ZNF716: variants seen among roughly 807,000 people sequenced by gnomAD.
The protein encoded by ZNF716 is zinc finger protein 716.
Under a neutral mutation model 13.4 loss-of-function variants are expected in ZNF716, and 9 were observed. The observed-to-expected ratio is 0.67, with a 90% CI of 0.41 to 1.18. The LOEUF is 1.18. ZNF716 is among the 50% of genes most tolerant of loss of function. ZNF716 has a pLI of 0.01. For missense variants in ZNF716, 581 were observed against 576.6 expected (o/e 1.01, Z -0.08); for synonymous variants, 186 against 195.2 (o/e 0.95, Z 0.39).
At position 57,469,669 on chromosome 7, in the gene ZNF716, C is replaced by A. The variant is rs781950128; in HGVS notation, c.1208C>A (p.Thr403Asn). 1 of 1,609,648 alleles carries A rather than the reference C, an allele frequency of 6.2e-7. No individual in the cohort carries two copies. The highest frequency in any genetic ancestry group is 8.5e-7 in the Non-Finnish European group (1 of 1,176,810). Residue 403 changes from threonine to asparagine, a missense_variant, in exon 4 of 4, where the codon ACT becomes AAT. Thr to Asn is a moderately conservative substitution (Grantham distance 65). Coordinates refer to ENST00000420713, the MANE Select transcript of ZNF716 (RefSeq NM_001159279.1). ...TTCACTTACCACAAGAGAACTCATA[C>A]TGGAGAGAAACCCTACAAATGTGAA... is the stretch of plus-strand genomic sequence containing the variant. ...STFTYHKRTH[T>N]GEKPYKCEEC... is the part of the protein sequence containing the mutation.
In ZNF716 at chr7:57,469,772, A is replaced by G. The variant is rs782173657; in HGVS notation, c.1311A>G (p.Lys437=). Residue 437 remains lysine (K), a synonymous_variant, in exon 4 of 4, where the codon AAA becomes AAG. Transcript: ENST00000420713. The part of the protein sequence containing the change: ...KIIHTGEKLY[K]CKECGKAFTF... ...TTCATACTGGAGAGAAACTCTACAA[A>G]TGTAAAGAATGTGGGAAAGCCTTTA... 1.2e-6 allele frequency: 2 copies of G among 1,609,470 alleles called. No individual in the cohort carries two copies. The highest frequency in any genetic ancestry group is 1.7e-6 in the Non-Finnish European group (2 of 1,177,636).
intron 1 of ZNF716, among the ~76,000 whole-genome samples, chr7:57,455,157 A>G (rs2116405676): frequency 6.6e-6 from 1 of 152,312 alleles, no homozygotes; most frequent in African/African-American, 2.4e-5. Flanking sequence ...AAAGAGGATG[A>G]AGTAAGAATG....
intron 1 of ZNF716, among the ~76,000 whole-genome samples, chr7:57,453,203 G>A (rs2116403139): frequency 6.6e-6 from 1 of 152,256 alleles, no homozygotes; most frequent in African/African-American, 2.4e-5. Context: ...CAATAAGATG[G>A]TGCAAGAATC....
In ZNF716 at chr7:57,470,084, T is replaced by A; in HGVS notation, c.*135T>A. The A allele has an allele frequency of 1.2e-6, 1 of 852,558 alleles. No homozygotes were observed. Among genetic ancestry groups the A allele is most frequent in the Non-Finnish European group, 1.7e-6 (1 of 579,594 alleles). The allele number at this position is 852,558 out of a possible 1,614,324, so 52.8% of individuals were successfully genotyped here. The stretch of plus-strand genomic sequence containing the variant: ...CTGCTGTCCATAAGATAATTCATAT[T>A]GGACAAAAGTCTTATAAATGTAAAA... On this transcript the variant is annotated 3_prime_UTR_variant, in exon 4 of 4. Coordinates refer to ENST00000420713, the MANE Select transcript of ZNF716 (RefSeq NM_001159279.1).
chr7:57,453,712 G>C lies in ZNF716; in HGVS notation c.39+3385G>C, dbSNP rs543474322. On this transcript the variant is annotated intron_variant, in intron 1 of 3. Transcript: ENST00000420713. ...AATGTCTCTTCCATTATGGCTGTCG[G>C]AAATGAATACATTTGCACAATAAAA... Among the ~76,000 whole-genome samples, 3 of 152,338 alleles carry C rather than the reference G, an allele frequency of 2.0e-5. No homozygotes were observed. In the East Asian group the frequency reaches 5.8e-4, roughly 29 times the overall value.
At chr7:57,464,145 G>A (rs1789762750) in intron 3 of ZNF716, among the ~76,000 whole-genome samples, 1 of 90,458 alleles carries the variant, frequency 1.1e-5, no homozygotes, top group South Asian at 4.1e-4. Flanking sequence ...TTTTGAGATG[G>A]AGTTTCACTC....
At chr7:57,460,969 T>C (rs376664198) in intron 1 of ZNF716, among the ~76,000 whole-genome samples, 1 of 151,868 alleles carries the variant, frequency 6.6e-6, no homozygotes, top group Non-Finnish European at 1.5e-5. Context: ...AAACTGATTT[T>C]TTTTTATAAT....
At chr7:57,457,381 G>C (rs557928306) in intron 1 of ZNF716, among the ~76,000 whole-genome samples, 19 of 152,252 alleles carry the variant, frequency 1.2e-4, no homozygotes, top group Non-Finnish European at 2.1e-4. Context: ...GTCTTGCTCT[G>C]TCACCCAGGC....
At position 57,470,157 on chromosome 7, in the gene ZNF716, G is replaced by T; in HGVS notation, c.*208G>T. ...ACCCCTCAAACCTTAATGAACCCAA[G>T]AGAATTTATTTAAAAAAATTTTTTT... On this transcript the variant is annotated 3_prime_UTR_variant, in exon 4 of 4. Transcript: ENST00000420713. 2.1e-6 allele frequency: 1 copy of T among 485,978 alleles called. No homozygotes were observed. The highest frequency in any genetic ancestry group is 4.6e-5 in the South Asian group (1 of 21,664). 30.1% of individuals were successfully genotyped at this position (485,978 alleles called of 1,614,324 possible).
In ZNF716 at chr7:57,470,131, C is replaced by T. The variant is rs1308677014; in HGVS notation, c.*182C>T. On this transcript the variant is annotated 3_prime_UTR_variant, in exon 4 of 4. Coordinates refer to ENST00000420713, the MANE Select transcript of ZNF716 (RefSeq NM_001159279.1). The stretch of plus-strand genomic sequence containing the variant: ...AAAAAAAAAAGTAACAGCCTTTAAC[C>T]ACCCCTCAAACCTTAATGAACCCAA... 7.5e-5 allele frequency: 49 copies of T among 651,740 alleles called. No individual in the cohort carries two copies. Among genetic ancestry groups the T allele is most frequent in the Non-Finnish European group, 1.0e-4 (44 of 419,310 alleles). 40.4% of individuals were successfully genotyped at this position (651,740 alleles called of 1,614,324 possible).
intron 1 of ZNF716, among the ~76,000 whole-genome samples, chr7:57,451,694 C>G (rs1789498577): frequency 6.6e-6 from 1 of 151,600 alleles, no homozygotes; most frequent in African/African-American, 2.4e-5. Flanking sequence ...GTGATCTGCC[C>G]ACCTTTGTCT....
At chr7:57,462,302 AT>A (rs377134169) in intron 1 of ZNF716, 157 bp from the exon 2 acceptor site, 1 of 778,998 alleles carries the variant, frequency 1.3e-6, no homozygotes, top group African/African-American at 1.8e-5. Flanking sequence ...GTTAAACATT[AT>A]CTTAATGAAT....
intron 3 of ZNF716, 74 bp downstream of exon 3, chr7:57,463,242 T>G: frequency 1.3e-6 from 2 of 1,583,408 alleles, no homozygotes; most frequent in African/African-American, 1.4e-5. Context: ...GTCCTTAAAA[T>G]GTGGTCTGGG....
rs1391540793 is a variant in ZNF716 at position 57,458,913 on chromosome 7, G to T, written c.40-3547G>T. 2.0e-5 allele frequency among the ~76,000 whole-genome samples: 3 copies of T among 152,068 alleles called. No homozygotes were observed. In the East Asian group the frequency reaches 5.8e-4, roughly 29 times the overall value. On this transcript the variant is annotated intron_variant, in intron 1 of 3. Coordinates refer to ENST00000420713, the MANE Select transcript of ZNF716 (RefSeq NM_001159279.1). ...GAGATCTTTCTAACTTGTTGATGTG[G>T]ATGTTTAGTGATATACTTTTTATTC...
chr7:57,458,048 A>G (rs1789635069), intron 1 of ZNF716, among the ~76,000 whole-genome samples: 1 of 152,216 alleles, frequency 6.6e-6, no homozygotes, highest in African/African-American at 2.4e-5. Context: ...TTCTTTATCC[A>G]GTCTACCATT....
chr7:57,469,319 C>A lies in ZNF716; in HGVS notation c.858C>A (p.Tyr286Ter), dbSNP rs781842217. 6.3e-7 allele frequency: 1 copy of A among 1,589,354 alleles called. No homozygotes were observed. The highest frequency in any genetic ancestry group is 1.4e-5 in the African/African-American group (1 of 73,814). Residue 286 changes from tyrosine to a stop codon, truncating the protein, a stop_gained, in exon 4 of 4, where the codon TAC (tyrosine) becomes TAA (stop). Coordinates refer to ENST00000420713, the MANE Select transcript of ZNF716 (RefSeq NM_001159279.1). LOFTEE classifies it low-confidence loss of function (END_TRUNC). The stretch of plus-strand genomic sequence containing the variant: ...TTAGCCGCTCAACACTTACTAACTA[C>A]AAGAGAATTCATACTGGAGAGAAAC... ...KVFSRSTLTN[Y>*]KRIHTGEKPY...
chr7:57,462,464 T>A lies in ZNF716; in HGVS notation c.44T>A (p.Leu15Gln). Reference protein sequence around the residue: ...PGPPGSREMGLLTFRDIAIEF... With the variant: ...PGPPGSREMGQLTFRDIAIEF... ...TTGTTTATTTTTTGTTTTTAGGGAC[T>A]GTTGACATTCAGAGACATAGCTATA... The change falls in exon 2 of 4, where the codon CTG becomes CAG. Residue 15 changes from leucine (L) to glutamine (Q), a missense_variant. By Grantham distance (113) the Leu-to-Gln change is moderately radical (BLOSUM62 -2). Coordinates refer to ENST00000420713, the MANE Select transcript of ZNF716 (RefSeq NM_001159279.1). 5 of 1,613,822 alleles carry A rather than the reference T, an allele frequency of 3.1e-6. No individual in the cohort carries two copies. Among genetic ancestry groups the A allele is most frequent in the Non-Finnish European group, 4.2e-6 (5 of 1,179,904 alleles).
rs782291425 is a variant in ZNF716 at position 57,469,763 on chromosome 7, A to G, written c.1302A>G (p.Lys434=). 76 of 1,610,652 alleles carry G rather than the reference A, an allele frequency of 4.7e-5. 1 individual carries two copies. Among genetic ancestry groups the G allele is most frequent in the Non-Finnish European group, 5.7e-5 (67 of 1,178,484 alleles). Reference sequence around the variant, plus strand: ...ATAAGATAATTCATACTGGAGAGAAACTCTACAAATGTAAAGAATGTGGGA... The same window carrying G: ...ATAAGATAATTCATACTGGAGAGAAGCTCTACAAATGTAAAGAATGTGGGA... ...KKHKIIHTGE[K]LYKCKECGKA... is the part of the protein sequence containing the mutation. Residue 434 remains lysine, a synonymous_variant, in exon 4 of 4, where the codon AAA becomes AAG. Transcript: ENST00000420713.
In ZNF716 at chr7:57,472,604, C is replaced by G. The variant is rs1789963596; in HGVS notation, c.*2655C>G. The G allele has an allele frequency of 6.6e-6, 1 of 152,316 alleles. No individual in the cohort carries two copies. Among genetic ancestry groups the G allele is most frequent in the African/African-American group, 2.4e-5 (1 of 41,546 alleles). 9.4% of individuals were successfully genotyped at this position (152,316 alleles called of 1,614,324 possible). On this transcript the variant is annotated 3_prime_UTR_variant, in exon 4 of 4. Coordinates refer to ENST00000420713, the MANE Select transcript of ZNF716 (RefSeq NM_001159279.1). ...GCTTCAGCCTCACAAGTAGCTGGAACTAGAGGCAGGCACCACCACTCCTGG... is the reference window on the plus strand; with the variant it reads ...GCTTCAGCCTCACAAGTAGCTGGAAGTAGAGGCAGGCACCACCACTCCTGG...
Sources: gnomAD v4.1 joint callset for allele counts (sites outside exome capture counted in the v4.1 genomes callset) on GRCh38, gnomAD v4.1.1 for gene constraint, MANE v1.5 for transcripts, NCBI Gene and HGNC (gene_info 2026-07-23, HGNC 2026-07-21) for gene names.